Variants in ATP10A observed in about 807,000 individuals in gnomAD.
The protein encoded by ATP10A is ATPase phospholipid transporting 10A (putative), also known as phospholipid-transporting ATPase VA.
A neutral mutation model predicts 147.8 loss-of-function variants in ATP10A; 111 were observed. The observed-to-expected ratio is 0.75, with a 90% CI of 0.64 to 0.88. The LOEUF (loss-of-function observed/expected upper bound fraction) is 0.88, where lower values mean the gene tolerates loss of function less well. Ranked by LOEUF, ATP10A falls within the 40% of genes least tolerant of loss-of-function variation. ATP10A has a pLI of 0.00. For synonymous variants in ATP10A, 875 were observed against 841.6 expected (o/e 1.04, Z -0.69); for missense variants, 1,927 against 1,959.0 (o/e 0.98, Z 0.31).
At chr15:25,746,547 G>A (rs1277820228) in intron 2 of ATP10A, among the ~76,000 whole-genome samples, 1 of 152,128 alleles carries the variant, frequency 6.6e-6, no homozygotes, top group Admixed American at 6.5e-5. Context: ...AGTTTTTCAA[G>A]TACTCACACA....
chr15:25,747,380 C>T (rs1170971265), intron 2 of ATP10A, among the ~76,000 whole-genome samples: 4 of 150,782 alleles, frequency 2.7e-5, no homozygotes, highest in Non-Finnish European at 4.4e-5. Context: ...AATTAATAGT[C>T]TACTTGACTA....
chr15:25,695,954 C>T (rs1009555154), intron 13 of ATP10A, among the ~76,000 whole-genome samples: 2 of 151,576 alleles, frequency 1.3e-5, no homozygotes, highest in South Asian at 2.1e-4. Flanking sequence ...AGCACAATTA[C>T]GGAGGCTTTT....
At chr15:25,699,509 A>C (rs1377663349) in intron 13 of ATP10A, among the ~76,000 whole-genome samples, 1 of 152,186 alleles carries the variant, frequency 6.6e-6, no homozygotes, top group African/African-American at 2.4e-5. Context: ...AACACAGGAG[A>C]AAATATTCAT....
At chr15:25,780,974 TGTGG>T in intron 2 of ATP10A, 41 bp downstream of exon 2, 1 of 1,592,356 alleles carries the variant, frequency 6.3e-7, no homozygotes. Flanking sequence ...GGGGACACTG[TGTGG>T]CTGTAATGCC....
chr15:25,679,348 G>T lies in ATP10A; in HGVS notation c.4493C>A (p.Ser1498Ter). The change falls in exon 21 of 21, where the codon TCA becomes TAA. Residue 1498 changes from serine (S) to a stop codon, truncating the protein, a stop_gained. Coordinates refer to ENST00000555815, the MANE Select transcript of ATP10A (RefSeq NM_024490.4). LOFTEE classifies it high-confidence loss of function. ...RLLIGASSRR[S>*]Q ...AAGGCCATTTCAAGGTTTTCACTGTGACCGCCTTGAAGATGCTCCTATAAG... is the reference window on the plus strand; with the variant it reads ...AAGGCCATTTCAAGGTTTTCACTGTTACCGCCTTGAAGATGCTCCTATAAG... The T allele has an allele frequency of 6.7e-7, 1 of 1,487,948 alleles. No individual in the cohort carries two copies. The highest frequency in any genetic ancestry group is 1.4e-5 in the South Asian group (1 of 69,994). 92.2% of individuals were successfully genotyped at this position (1,487,948 alleles called of 1,614,324 possible).
intron 1 of ATP10A, among the ~76,000 whole-genome samples, chr15:25,837,528 A>G (rs1171738411): frequency 6.6e-6 from 1 of 152,180 alleles, no homozygotes. Context: ...GTCACAGGGC[A>G]GGAAGTTTCA....
chr15:25,750,999 T>A (rs1888128357), intron 2 of ATP10A, among the ~76,000 whole-genome samples: 1 of 152,052 alleles, frequency 6.6e-6, no homozygotes, highest in South Asian at 2.1e-4. Context: ...ATGTCATTAA[T>A]CACATTAAAT....
intron 1 of ATP10A, among the ~76,000 whole-genome samples, chr15:25,810,383 A>G (rs1381944808): frequency 1.3e-5 from 2 of 152,170 alleles, no homozygotes; most frequent in African/African-American, 2.4e-5. Flanking sequence ...AGCTGTCACC[A>G]CTGCTTATCA....
chr15:25,850,988 A>C (rs749468970), intron 1 of ATP10A, among the ~76,000 whole-genome samples: 2 of 151,922 alleles, frequency 1.3e-5, no homozygotes, highest in Non-Finnish European at 2.9e-5. Flanking sequence ...AGTGGTTTCC[A>C]TGCCAGACAT....
At chr15:25,693,204 G>A (rs1464199414) in intron 14 of ATP10A, among the ~76,000 whole-genome samples, 1 of 151,632 alleles carries the variant, frequency 6.6e-6, no homozygotes, top group Non-Finnish European at 1.5e-5. Flanking sequence ...TTTATTTTTT[G>A]TAGAGATGGG....
chr15:25,738,288 A>G (rs4906629), intron 2 of ATP10A, among the ~76,000 whole-genome samples: 109,438 of 152,058 alleles, frequency 0.72, 41,411 homozygotes, highest in Non-Finnish European at 0.86. Flanking sequence ...CATGGACAAA[A>G]GTAGAGGCCC....
rs745684995 is a variant in ATP10A at position 25,736,096 on chromosome 15, C to T, written c.700G>A (p.Glu234Lys). 6 of 1,613,418 alleles carry T rather than the reference C, an allele frequency of 3.7e-6. No individual in the cohort carries two copies. In the African/African-American group the frequency reaches 4.0e-5, roughly 11 times the overall value. The part of the protein sequence containing the change: ...PLTFTSVIEC[E>K]KPNNDLSRFR... Reference sequence around the variant, plus strand: ...CTACTCAGGTCGTTGTTTGGCTTCTCGCATTCGATCACGCTGGTGAACGTC... The same window carrying T: ...CTACTCAGGTCGTTGTTTGGCTTCTTGCATTCGATCACGCTGGTGAACGTC... Residue 234 changes from glutamate to lysine, a missense_variant, in exon 3 of 21, where the codon GAG becomes AAG. Glu to Lys is a moderately conservative substitution (Grantham distance 56). Coordinates refer to ENST00000555815, the MANE Select transcript of ATP10A (RefSeq NM_024490.4).
At chr15:25,752,029 A>G (rs1336220147) in intron 2 of ATP10A, among the ~76,000 whole-genome samples, 1 of 152,196 alleles carries the variant, frequency 6.6e-6, no homozygotes, top group East Asian at 1.9e-4. Context: ...GTTGATGAGG[A>G]TGTGAACAAA....
intron 1 of ATP10A, among the ~76,000 whole-genome samples, chr15:25,854,432 G>T (rs1893421725): frequency 1.3e-5 from 2 of 151,960 alleles, no homozygotes; most frequent in South Asian, 4.2e-4. Flanking sequence ...AGAAGGAATA[G>T]GGGGAAAGAA....
In ATP10A at chr15:25,718,110, T is replaced by C. The variant is rs999917809; in HGVS notation, c.1581+72A>G. The C allele has an allele frequency of 3.5e-5, 52 of 1,496,666 alleles. No individual in the cohort carries two copies. In the Middle Eastern group the frequency reaches 6.9e-4, roughly 20 times the overall value. The allele number at this position is 1,496,666 out of a possible 1,614,324, so 92.7% of individuals were successfully genotyped here. ...TTTGTAGGATTAAATATAGACACCT[T>C]CCATGAGCGGGGGATGGTGAAAATG... On this transcript the variant is annotated intron_variant, in intron 8 of 20. Transcript: ENST00000555815.
chr15:25,736,872 G>C lies in ATP10A; in HGVS notation c.655-731C>G, dbSNP rs541287572. 3.0e-4 allele frequency among the ~76,000 whole-genome samples: 46 copies of C among 152,280 alleles called. 1 individual carries two copies. The South Asian group carries it at 9.5e-3, about 32-fold the overall frequency. ...CCTGGCATTCTACTTAATCTAGCAA[G>C]TGTCATAACATGGTAAAAAACTGAA... is the stretch of plus-strand genomic sequence containing the variant. On this transcript the variant is annotated intron_variant, in intron 2 of 20. Transcript: ENST00000555815.
At position 25,752,213 on chromosome 15, in the gene ATP10A, A is replaced by G. The variant is rs530995449; in HGVS notation, c.655-16072T>C. ...TTGCCAAAGAGATGTCTGCACTCCC[A>G]TGTTCATTGAAGCATTATTTACAAT... On this transcript the variant is annotated intron_variant, in intron 2 of 20. Transcript: ENST00000555815. Among the ~76,000 whole-genome samples the G allele has an allele frequency of 2.6e-5, 4 of 152,282 alleles. No homozygotes were observed. The East Asian group carries it at 7.7e-4, about 29-fold the overall frequency.
intron 1 of ATP10A, among the ~76,000 whole-genome samples, chr15:25,851,485 G>T (rs563015819): frequency 6.6e-6 from 1 of 151,984 alleles, no homozygotes; most frequent in Non-Finnish European, 1.5e-5. Flanking sequence ...CCCCCTAAAA[G>T]GTTATTACCA....
intron 2 of ATP10A, among the ~76,000 whole-genome samples, chr15:25,774,432 G>A (rs1295010323): frequency 6.6e-6 from 1 of 152,112 alleles, no homozygotes; most frequent in East Asian, 1.9e-4. Flanking sequence ...AAATTAGCCG[G>A]GAGTGGTGGC....
Sources: allele counts gnomAD v4.1 joint callset (sites outside exome capture counted in the v4.1 genomes callset), GRCh38; gene constraint gnomAD v4.1.1; transcripts MANE v1.5; gene names NCBI Gene and HGNC (gene_info 2026-07-23, HGNC 2026-07-21).